WRNIP1: variants seen among roughly 807,000 people sequenced by gnomAD.
WRNIP1 encodes the protein WRN helicase interacting protein 1, also known as ATPase WRNIP1.
WRNIP1 carries 41 observed loss-of-function variants against 56.1 expected under a neutral mutation model. The observed-to-expected ratio is 0.73, with a 90% confidence interval of 0.57 to 0.95. The LOEUF is 0.95. Ranked by LOEUF, WRNIP1 falls within the 40% of genes least tolerant of loss-of-function variation. The pLI, the probability that WRNIP1 is intolerant of heterozygous loss-of-function variation, is 0.00. For missense variants in WRNIP1, 1,170 were observed against 939.4 expected (o/e 1.25, Z -3.21); for synonymous variants, 547 against 398.1 (o/e 1.37, Z -4.45).
chr6:2,778,077 T>C (rs1013555412), intron 3 of WRNIP1, among the ~76,000 whole-genome samples: 1 of 152,184 alleles, frequency 6.6e-6, no homozygotes, highest in Non-Finnish European at 1.5e-5. Flanking sequence ...ATTGGTGTTA[T>C]TTGGGTTACT....
chr6:2,784,799 C>T (rs1476855030), intron 6 of WRNIP1, among the ~76,000 whole-genome samples: 1 of 151,950 alleles, frequency 6.6e-6, no homozygotes, highest in African/African-American at 2.4e-5. Flanking sequence ...AAAATGAAAA[C>T]CACTCACCTG....
intron 1 of WRNIP1, among the ~76,000 whole-genome samples, chr6:2,768,017 A>C (rs994520757): frequency 1.3e-5 from 2 of 152,196 alleles, no homozygotes; most frequent in African/African-American, 4.8e-5. Context: ...ATCCTTTAGT[A>C]CTAATAACAA....
chr6:2,770,044 G>T, intron 2 of WRNIP1, 76 bp from the exon 3 acceptor site: 1 of 1,588,100 alleles, frequency 6.3e-7, no homozygotes, highest in Non-Finnish European at 8.6e-7. Flanking sequence ...GGAAGGAAGG[G>T]ATAGCCAACT....
At chr6:2,784,922 AC>A in intron 6 of WRNIP1, 84 bp from the exon 7 acceptor site, 1 of 1,524,790 alleles carries the variant, frequency 6.6e-7, no homozygotes, top group Non-Finnish European at 8.9e-7. Flanking sequence ...TCTCAGAATT[AC>A]CTAGAGCTGT....
chr6:2,772,588 A>G (rs1407758929), intron 3 of WRNIP1, among the ~76,000 whole-genome samples: 1 of 152,220 alleles, frequency 6.6e-6, no homozygotes, highest in South Asian at 2.1e-4. Flanking sequence ...CTTTAATACT[A>G]TTGCCCTTTT....
Position 2,765,751 on chromosome 6 carries a change from C to A in WRNIP1, c.129C>A (p.His43Gln). The A allele has an allele frequency of 6.7e-7, 1 of 1,498,400 alleles. No individual in the cohort carries two copies. Among genetic ancestry groups the A allele is most frequent in the Non-Finnish European group, 8.9e-7 (1 of 1,129,848 alleles). The allele number at this position is 1,498,400 out of a possible 1,614,324, so 92.8% of individuals were successfully genotyped here. A position where few individuals can be genotyped will look rare whatever the true frequency, so the allele number is the denominator to read the frequency against. ...NSHLDRCLLL[H>Q]PAGHAEPAAG... Reference sequence around the variant, plus strand: ...ACCTGGACCGCTGTCTGCTGCTCCACCCGGCGGGGCACGCGGAGCCCGCGG... The same window carrying A: ...ACCTGGACCGCTGTCTGCTGCTCCAACCGGCGGGGCACGCGGAGCCCGCGG... The change falls in exon 1 of 7, where the codon CAC (histidine) becomes CAA (glutamine). Residue 43 changes from histidine to glutamine, a missense_variant. His to Gln is a conservative substitution (Grantham distance 24). Coordinates refer to ENST00000380773, the MANE Select transcript of WRNIP1 (RefSeq NM_020135.3).
intron 3 of WRNIP1, chr6:2,774,171 A>G (rs1765378677): frequency 2.0e-6 from 2 of 985,244 alleles, no homozygotes; most frequent in South Asian, 9.4e-5. Flanking sequence ...TAAGTACATT[A>G]ATACAGTACA....
Position 2,768,586 on chromosome 6 carries a change from A to G in WRNIP1, c.823-105A>G, listed in dbSNP as rs866677715. The stretch of plus-strand genomic sequence containing the variant: ...GCTGCTCAGCATTCTTCCGAGGTCA[A>G]GTTGCTTTTGGTAAATAGTGATGCT... On this transcript the variant is annotated intron_variant, in intron 1 of 6. Coordinates refer to ENST00000380773, the MANE Select transcript of WRNIP1 (RefSeq NM_020135.3). 2.2e-5 allele frequency: 20 copies of G among 919,416 alleles called. No individual in the cohort carries two copies. In the Middle Eastern group the frequency reaches 4.2e-3, roughly 191 times the overall value. The allele number at this position is 919,416 out of a possible 1,614,324, so 57.0% of individuals were successfully genotyped here.
At position 2,765,709 on chromosome 6, in the gene WRNIP1, C is replaced by G; in HGVS notation, c.87C>G (p.Ala29=). ...QCPVCQQMMP[A]AHINSHLDRC... Reference sequence around the variant, plus strand: ...CCGTGTGCCAGCAGATGATGCCCGCCGCGCACATCAACTCGCACCTGGACC... The same window carrying G: ...CCGTGTGCCAGCAGATGATGCCCGCGGCGCACATCAACTCGCACCTGGACC... The change falls in exon 1 of 7, where the codon GCC becomes GCG. Residue 29 remains alanine, a synonymous_variant. Transcript: ENST00000380773. The G allele has an allele frequency of 6.5e-7, 1 of 1,545,854 alleles. No individual in the cohort carries two copies. The highest frequency in any genetic ancestry group is 8.7e-7 in the Non-Finnish European group (1 of 1,154,416).
chr6:2,783,652 T>TTTTTTTG (rs66922811), intron 5 of WRNIP1, 91 bp downstream of exon 5: 14 of 507,774 alleles, frequency 2.8e-5, no homozygotes, highest in Non-Finnish European at 3.2e-5. Flanking sequence ...TTTTTTTTTT[T>TTTTTTTG]TGCAGGGCGG....
chr6:2,779,887 G>A (rs1272851132), intron 4 of WRNIP1, among the ~76,000 whole-genome samples: 1 of 152,196 alleles, frequency 6.6e-6, no homozygotes, highest in African/African-American at 2.4e-5. Context: ...TTGTCATAAT[G>A]ACTTATTAGT....
rs139490967 is a variant in WRNIP1, at chr6:2,774,611, A to G, written c.1256+4250A>G. On this transcript the variant is annotated intron_variant, in intron 3 of 6. Transcript: ENST00000380773. ...ACATCTACAAAGACCCTATTTCCAA[A>G]TAAAGTCACAGTCACAGGTTCCAGG... 3.0e-3 allele frequency among the ~76,000 whole-genome samples: 454 copies of G among 152,340 alleles called. 15 individuals are homozygous for G. Among genetic ancestry groups the G allele is most frequent in the Admixed American group, 0.024 (363 of 15,306 alleles).
At position 2,784,443 on chromosome 6, in the gene WRNIP1, C is replaced by T. The variant is rs779082758; in HGVS notation, c.1722+40C>T. 2.5e-5 allele frequency: 40 copies of T among 1,583,816 alleles called. No individual in the cohort carries two copies. The African/African-American group carries it at 4.2e-4, about 16-fold the overall frequency. On this transcript the variant is annotated intron_variant, in intron 6 of 6. Coordinates refer to ENST00000380773, the MANE Select transcript of WRNIP1 (RefSeq NM_020135.3). ...TCATTTCTTGCAAATCACTTCTTTT[C>T]TCTCTCGTGCTCTGTCCCTTTGTAG...
intron 6 of WRNIP1, among the ~76,000 whole-genome samples, chr6:2,784,687 C>A (rs1478690654): frequency 6.6e-6 from 1 of 152,124 alleles, no homozygotes; most frequent in African/African-American, 2.4e-5. Context: ...AACAGCAAAG[C>A]CTCTGCAAGT....
In WRNIP1 at chr6:2,766,115, G is replaced by C; in HGVS notation, c.493G>C (p.Glu165Gln). ...RSWDEAEAQE[E>Q]EEAVGDGDGD... ...CTGGGACGAGGCGGAGGCGCAGGAG[G>C]AGGAGGAGGCCGTGGGCGACGGCGA... is the stretch of plus-strand genomic sequence containing the variant. The change falls in exon 1 of 7, where the codon GAG becomes CAG. Residue 165 changes from glutamate to glutamine, a missense_variant. Glu to Gln is a conservative substitution (Grantham distance 29). Transcript: ENST00000380773. 1 of 1,323,532 alleles carries C rather than the reference G, an allele frequency of 7.6e-7. No homozygotes were observed. The highest frequency in any genetic ancestry group is 1.5e-5 in the African/African-American group (1 of 64,988). 82.0% of individuals were successfully genotyped at this position (1,323,532 alleles called of 1,614,324 possible). A position where few individuals can be genotyped will look rare whatever the true frequency, so the allele number is the denominator to read the frequency against.
At chr6:2,769,970 A>G in intron 2 of WRNIP1, 150 bp from the exon 3 acceptor site, 3 of 1,120,240 alleles carry the variant, frequency 2.7e-6, no homozygotes, top group Non-Finnish European at 2.5e-6. Context: ...CAAATATTGC[A>G]TCTATATTCA....
intron 3 of WRNIP1, chr6:2,774,252 G>T (rs1284667709): frequency 1.0e-6 from 1 of 985,296 alleles, no homozygotes; most frequent in Non-Finnish European, 1.2e-6. Flanking sequence ...CAGAACCACA[G>T]ATCTCATGGT....
chr6:2,785,448 T>C lies in WRNIP1; in HGVS notation c.*166T>C. Reference sequence around the variant, plus strand: ...TGGAGGCGCAGTTCTTTCGAATAAATGTGTAACTTTGAAATTGTGTTCATT... The same window carrying C: ...TGGAGGCGCAGTTCTTTCGAATAAACGTGTAACTTTGAAATTGTGTTCATT... On this transcript the variant is annotated 3_prime_UTR_variant, in exon 7 of 7. Coordinates refer to ENST00000380773, the MANE Select transcript of WRNIP1 (RefSeq NM_020135.3). 2.8e-6 allele frequency: 2 copies of C among 710,936 alleles called. No homozygotes were observed. The highest frequency in any genetic ancestry group is 2.3e-6 in the Non-Finnish European group (1 of 438,440). The allele number at this position is 710,936 out of a possible 1,614,324, so 44.0% of individuals were successfully genotyped here. A position where few individuals can be genotyped will look rare whatever the true frequency, so the allele number is the denominator to read the frequency against.
intron 3 of WRNIP1, chr6:2,772,853 C>T (rs763966486): frequency 6.3e-6 from 4 of 630,964 alleles, no homozygotes; most frequent in African/African-American, 6.0e-5. Flanking sequence ...TATATACATC[C>T]TTGTGCATAT....
Sources: allele counts gnomAD v4.1 joint callset (sites outside exome capture counted in the v4.1 genomes callset), GRCh38; gene constraint gnomAD v4.1.1; transcripts MANE v1.5; gene names NCBI Gene and HGNC (gene_info 2026-07-23, HGNC 2026-07-21).